Variants in HOMER2 observed in about 807,000 individuals in gnomAD.
The protein encoded by HOMER2 is homer protein homolog 2.
A neutral mutation model predicts 47.0 loss-of-function variants in HOMER2; 27 were observed. That is an observed-to-expected ratio of 0.57 (90% confidence interval 0.42 to 0.79). The LOEUF is 0.79. Ranked by LOEUF, HOMER2 falls within the 30% of genes least tolerant of loss-of-function variation. The pLI, the probability that HOMER2 is intolerant of heterozygous loss-of-function variation, is 0.00. For missense variants in HOMER2, 443 were observed against 435.0 expected (o/e 1.02, Z -0.16); for synonymous variants, 161 against 163.8 (o/e 0.98, Z 0.13).
chr15:82,866,312 G>A (rs1227838747), intron 3 of HOMER2, among the ~76,000 whole-genome samples: 1 of 152,226 alleles, frequency 6.6e-6, no homozygotes, highest in Non-Finnish European at 1.5e-5. Context: ...CTTTGTTTTG[G>A]TCAATTTCTC....
In HOMER2 at chr15:82,864,256, C is replaced by T. The variant is rs2051890984; in HGVS notation, c.298G>A (p.Ala100Thr). 6.2e-7 allele frequency: 1 copy of T among 1,608,146 alleles called. No homozygotes were observed. Among genetic ancestry groups the T allele is most frequent in the Non-Finnish European group, 8.5e-7 (1 of 1,175,784 alleles). ...FSSEQQLTKFAEKFQEVKEAA... is the reference protein window; with the variant it reads ...FSSEQQLTKFTEKFQEVKEAA... ...TCTTTCACCTCCTGGAATTTCTCTG[C>T]AAACTGAACATGAAGAATAGTTATT... is the stretch of plus-strand genomic sequence containing the variant. Residue 100 changes from alanine (A) to threonine (T), a missense_variant, in exon 4 of 9, where the codon GCA becomes ACA. Transcript: ENST00000450735.
Position 82,849,512 on chromosome 15 carries a change from G to A in HOMER2, c.*203C>T, listed in dbSNP as rs1048700270. 1.1e-5 allele frequency: 6 copies of A among 571,228 alleles called. No homozygotes were observed. Among genetic ancestry groups the A allele is most frequent in the Non-Finnish European group, 1.9e-5 (6 of 323,176 alleles). 35.4% of individuals were successfully genotyped at this position (571,228 alleles called of 1,614,324 possible). A position where few individuals can be genotyped will look rare whatever the true frequency, so the allele number is the denominator to read the frequency against. Reference sequence around the variant, plus strand: ...TGGATTCCTGAGTCAGAATCTTCCAGTTGTCCACAACCTCACAAGGCCAGA... The same window carrying A: ...TGGATTCCTGAGTCAGAATCTTCCAATTGTCCACAACCTCACAAGGCCAGA... On this transcript the variant is annotated 3_prime_UTR_variant, in exon 9 of 9. Transcript: ENST00000450735.
chr15:82,846,106 G>A (rs924489736), downstream of HOMER2: 6 of 152,510 alleles, frequency 3.9e-5, no homozygotes, highest in East Asian at 9.6e-4. Context: ...TCCCTCCCCA[G>A]AAAGCCAGAA....
intron 2 of HOMER2, among the ~76,000 whole-genome samples, chr15:82,879,530 C>T (rs2052458242): frequency 6.6e-6 from 1 of 152,100 alleles, no homozygotes; most frequent in South Asian, 2.1e-4. Context: ...ATAAAGAAAT[C>T]ATAGTTTGCA....
intron 1 of HOMER2, among the ~76,000 whole-genome samples, chr15:82,937,716 A>G (rs1791883163): frequency 6.6e-6 from 1 of 152,186 alleles, no homozygotes; most frequent in African/African-American, 2.4e-5. Flanking sequence ...GAGGTGACCA[A>G]TGGAGACAGA....
exon 2 of HOMER2, chr15:82,839,380 C>T (rs1486849502): frequency 6.6e-6 from 1 of 152,322 alleles, no homozygotes; most frequent in East Asian, 1.9e-4. Flanking sequence ...TGCCCCAGCC[C>T]CCACTTCCAC....
At chr15:82,871,011 C>T (rs1258548635) in intron 3 of HOMER2, among the ~76,000 whole-genome samples, 4 of 152,232 alleles carry the variant, frequency 2.6e-5, no homozygotes, top group Non-Finnish European at 4.4e-5. Flanking sequence ...TTTGTTCCTC[C>T]TTCTGTCTCC....
chr15:82,855,928 G>A (rs1244678206), intron 5 of HOMER2, among the ~76,000 whole-genome samples: 1 of 152,202 alleles, frequency 6.6e-6, no homozygotes, highest in Non-Finnish European at 1.5e-5. Context: ...TGTGACTGGA[G>A]GTGACAGGGC....
chr15:82,897,643 C>G (rs1279804150), intron 1 of HOMER2, among the ~76,000 whole-genome samples: 2 of 152,316 alleles, frequency 1.3e-5, no homozygotes, highest in Middle Eastern at 3.4e-3. Context: ...CAGACTCTCT[C>G]AATAAATTAC....
intron 1 of HOMER2, among the ~76,000 whole-genome samples, chr15:82,893,337 T>TTC (rs1567037245): frequency 6.7e-6 from 1 of 149,140 alleles, no homozygotes; most frequent in African/African-American, 2.5e-5. Context: ...ATCTTTTTTT[T>TTC]TTTTTTTTTT....
intron 1 of HOMER2, among the ~76,000 whole-genome samples, chr15:82,973,958 C>T (rs1423267323): frequency 6.6e-6 from 1 of 152,028 alleles, no homozygotes; most frequent in African/African-American, 2.4e-5. Flanking sequence ...CCCAGCTACT[C>T]GGGAGGCTGA....
intron 1 of HOMER2, among the ~76,000 whole-genome samples, chr15:82,910,791 T>C (rs887329204): frequency 6.6e-6 from 1 of 152,184 alleles, no homozygotes; most frequent in African/African-American, 2.4e-5. Flanking sequence ...CAGGTGATTT[T>C]TGTTCTCCTC....
Position 82,868,741 on chromosome 15 carries a change from G to A in HOMER2, c.295-4482C>T, listed in dbSNP as rs1445264858. 2.0e-5 allele frequency among the ~76,000 whole-genome samples: 3 copies of A among 150,664 alleles called. No individual in the cohort carries two copies. The East Asian group carries it at 5.9e-4, about 29-fold the overall frequency. ...TAATTTTGTATTTTTAGTAGAGACG[G>A]GGCTTCACCATGTTGGCCAGGCTAG... On this transcript the variant is annotated intron_variant, in intron 3 of 8. Transcript: ENST00000450735.
intron 2 of HOMER2, among the ~76,000 whole-genome samples, chr15:82,877,679 C>T (rs765472599): frequency 4.6e-5 from 7 of 152,194 alleles, no homozygotes; most frequent in East Asian, 1.9e-4. Context: ...TCATGTGCTA[C>T]GGTCCAGCTG....
chr15:82,869,283 G>T (rs1338667255), intron 3 of HOMER2, among the ~76,000 whole-genome samples: 1 of 151,900 alleles, frequency 6.6e-6, no homozygotes, highest in African/African-American at 2.4e-5. Context: ...CATCATCCAA[G>T]ATAAGAACAA....
chr15:82,921,417 C>T (rs933295952), intron 1 of HOMER2, among the ~76,000 whole-genome samples: 7 of 152,166 alleles, frequency 4.6e-5, no homozygotes, highest in East Asian at 3.9e-4. Flanking sequence ...TGCTGGAGCA[C>T]GTCACACTTT....
downstream of HOMER2, chr15:82,845,261 C>T (rs138227748): frequency 0.03 from 4,328 of 145,340 alleles, 92 homozygotes; most frequent in Non-Finnish European, 0.047. Context: ...CACACACACA[C>T]GCGTGCGCAC....
chr15:82,864,186 G>A lies in HOMER2; in HGVS notation c.368C>T (p.Thr123Ile). 3 of 1,610,086 alleles carry A rather than the reference G, an allele frequency of 1.9e-6. No individual in the cohort carries two copies. Among genetic ancestry groups the A allele is most frequent in the Non-Finnish European group, 2.5e-6 (3 of 1,177,696 alleles). The change falls in exon 4 of 9, where the codon ACC becomes ATC. Residue 123 changes from threonine (T) to isoleucine (I), a missense_variant. Transcript: ENST00000450735. ...AKDKTQEKIE[T>I]SSNHSQASSV... ...TCTTACTTGGGAATGATTACTTGAG[G>A]TCTCGATTTTCTCCTGCGTCTTGTC... is the stretch of plus-strand genomic sequence containing the variant.
chr15:82,972,362 A>T (rs1259116223), intron 1 of HOMER2, among the ~76,000 whole-genome samples: 1 of 152,232 alleles, frequency 6.6e-6, no homozygotes, highest in Non-Finnish European at 1.5e-5. Flanking sequence ...TTAAAGTTTT[A>T]CAATAGAATG....
Sources: gnomAD v4.1 joint callset for allele counts (sites outside exome capture counted in the v4.1 genomes callset) on GRCh38, gnomAD v4.1.1 for gene constraint, MANE v1.5 for transcripts, NCBI Gene and HGNC (gene_info 2026-07-23, HGNC 2026-07-21) for gene names.